The following SPEG variants were observed in gnomAD, a reference collection of about 807,000 sequenced individuals.
The protein encoded by SPEG is striated muscle enriched protein kinase, also known as striated muscle preferentially expressed protein kinase.
In SPEG, 114 loss-of-function variants were observed where a neutral mutation model predicts 300.4. The observed-to-expected ratio is 0.38, with a 90% CI of 0.33 to 0.44. The LOEUF (loss-of-function observed/expected upper bound fraction) is 0.44, where lower values mean the gene tolerates loss of function less well. Ranked by LOEUF, SPEG falls within the 20% of genes least tolerant of loss-of-function variation. The pLI, the probability that SPEG is intolerant of heterozygous loss-of-function variation, is 1.00. For missense variants in SPEG, 4,201 were observed against 4,586.2 expected, an observed-to-expected ratio of 0.92 and a Z score of 2.43; for synonymous variants, 1,964 against 2,018.9, an observed-to-expected ratio of 0.97 and a Z score of 0.73.
Position 219,469,233 on chromosome 2 carries a change from T to G in SPEG, c.3569T>G (p.Phe1190Cys). The G allele has an allele frequency of 1.2e-6, 2 of 1,613,810 alleles. No individual in the cohort carries two copies. Among genetic ancestry groups the G allele is most frequent in the Non-Finnish European group, 1.7e-6 (2 of 1,179,954 alleles). ...GELERLSIPD[F>C]LRPLQDLEVG... is the part of the protein sequence containing the mutation. ...CTGGAGCGGCTGTCCATTCCTGACT[T>G]CCTGCGGCCACTGCAGGACCTGGAG... The change falls in exon 13 of 41, where the codon TTC (phenylalanine) becomes TGC (cysteine). Residue 1190 changes from phenylalanine to cysteine, a missense_variant. By Grantham distance (205) the Phe-to-Cys change is radical (BLOSUM62 -2). Coordinates refer to ENST00000312358, the MANE Select transcript of SPEG (RefSeq NM_005876.5).
intron 31 of SPEG, among the ~76,000 whole-genome samples, chr2:219,486,129 A>G (rs1205201143): frequency 6.6e-6 from 1 of 152,244 alleles, no homozygotes; most frequent in African/African-American, 2.4e-5. Flanking sequence ...ACAGAAAAGC[A>G]GCCTTTGGAG....
Position 219,435,311 on chromosome 2 carries a change from A to G in SPEG, c.334A>G (p.Asn112Asp). ...CGGCGTGTACAGCTGCATGGCCCAG[A>G]ACGAGCGGGGCCGGGCCTCCTGCGA... The part of the protein sequence containing the change: ...DAGVYSCMAQ[N>D]ERGRASCEAV... The change falls in exon 1 of 41, where the codon AAC becomes GAC. Residue 112 changes from asparagine (N) to aspartate (D), a missense_variant. By Grantham distance (23) the Asn-to-Asp change is conservative. Coordinates refer to ENST00000312358, the MANE Select transcript of SPEG (RefSeq NM_005876.5). 1 of 1,534,512 alleles carries G rather than the reference A, an allele frequency of 6.5e-7. No homozygotes were observed. Among genetic ancestry groups the G allele is most frequent in the Non-Finnish European group, 8.7e-7 (1 of 1,147,722 alleles).
chr2:219,485,281 C>T, intron 30 of SPEG, 65 bp from the exon 31 acceptor site: 1 of 1,554,436 alleles, frequency 6.4e-7, no homozygotes. Flanking sequence ...GGGCTGAGGG[C>T]TGCAGAGAGG....
chr2:219,454,666 G>C (rs1356207451), intron 6 of SPEG, among the ~76,000 whole-genome samples: 6 of 152,354 alleles, frequency 3.9e-5, no homozygotes, highest in South Asian at 4.1e-4. Flanking sequence ...AAGTGAGGTA[G>C]AGCTAGCACC....
rs1575040512 is a variant in SPEG at position 219,443,744 on chromosome 2, G to A, written c.389-909G>A. 3 of 216,968 alleles carry A rather than the reference G, an allele frequency of 1.4e-5. No homozygotes were observed. The highest frequency in any genetic ancestry group is 2.6e-5 in the Non-Finnish European group (3 of 113,990). 13.4% of individuals were successfully genotyped at this position (216,968 alleles called of 1,614,324 possible). A position where few individuals can be genotyped will look rare whatever the true frequency, so the allele number is the denominator to read the frequency against. ...CTGCGGCTGGACTGGACACAAGCAG[G>A]TGTGTGTGTGTGTGTGTGCATGTGT... On this transcript the variant is annotated intron_variant, in intron 1 of 40. Coordinates refer to ENST00000312358, the MANE Select transcript of SPEG (RefSeq NM_005876.5). This position sits in a 1 kb window ranked among gnomAD's most constrained non-coding sequence, Gnocchi z 4.6.
chr2:219,480,656 C>T lies in SPEG; in HGVS notation c.5343-15C>T. 1.9e-6 allele frequency: 3 copies of T among 1,613,850 alleles called. No homozygotes were observed. Among genetic ancestry groups the T allele is most frequent in the South Asian group, 1.1e-5 (1 of 91,064 alleles). ...AGGGGCGGTCCTCTTACCTATCACT[C>T]TCCTTTTCCCACAGGCCTGTGGGTG... On this transcript the variant is annotated splice_polypyrimidine_tract_variant and intron_variant, in intron 25 of 40. Transcript: ENST00000312358. This position sits in a 1 kb window ranked among gnomAD's most constrained non-coding sequence, Gnocchi z 5.3.
chr2:219,460,178 TG>T, intron 6 of SPEG: 2 of 466,724 alleles, frequency 4.3e-6, no homozygotes, highest in Non-Finnish European at 5.6e-6. Flanking sequence ...TTAGGCCCTG[TG>T]GTGGCTGCTG....
rs374806310 is a variant in SPEG, at chr2:219,445,265, A to G, written c.815+104A>G. ...CTCCACCCATCACCCTGCCCCATCCATCTCTCTGTGCATTTCTTCACCCCC... is the reference window on the plus strand; with the variant it reads ...CTCCACCCATCACCCTGCCCCATCCGTCTCTCTGTGCATTTCTTCACCCCC... On this transcript the variant is annotated intron_variant, in intron 3 of 40. Coordinates refer to ENST00000312358, the MANE Select transcript of SPEG (RefSeq NM_005876.5). The surrounding 1 kb of genome is among the most constrained non-coding windows in gnomAD (Gnocchi z 6.1). 176 of 1,102,160 alleles carry G rather than the reference A, an allele frequency of 1.6e-4. 1 individual carries two copies. The East Asian group carries it at 2.9e-3, about 18-fold the overall frequency. 68.3% of individuals were successfully genotyped at this position (1,102,160 alleles called of 1,614,324 possible).
Position 219,464,055 on chromosome 2 carries a change from A to T in SPEG, c.2706-378A>T, listed in dbSNP as rs1691011629. 6.6e-6 allele frequency among the ~76,000 whole-genome samples: 1 copy of T among 151,516 alleles called. No individual in the cohort carries two copies. Among genetic ancestry groups the T allele is most frequent in the African/African-American group, 2.4e-5 (1 of 41,244 alleles). ...GGAGATCGCTTGAGCCTGGGGAGGTAGAAGCTGCAGTGAGCTGTGATTGTG... is the reference window on the plus strand; with the variant it reads ...GGAGATCGCTTGAGCCTGGGGAGGTTGAAGCTGCAGTGAGCTGTGATTGTG... On this transcript the variant is annotated intron_variant, in intron 8 of 40. Coordinates refer to ENST00000312358, the MANE Select transcript of SPEG (RefSeq NM_005876.5). The surrounding 1 kb of genome is among the most constrained non-coding windows in gnomAD (Gnocchi z 4.5).
chr2:219,474,539 G>A (rs1032546478), intron 18 of SPEG, among the ~76,000 whole-genome samples: 2 of 152,200 alleles, frequency 1.3e-5, no homozygotes, highest in African/African-American at 4.8e-5. Context: ...CCGAGGCTAA[G>A]AGTAACTGGC....
chr2:219,465,974 T>C (rs1691300421), intron 9 of SPEG: 5 of 1,198,310 alleles, frequency 4.2e-6, no homozygotes, highest in Non-Finnish European at 6.1e-6. Flanking sequence ...CATGCGTGTG[T>C]GTGCATGTGT....
Position 219,483,792 on chromosome 2 carries a change from G to C in SPEG, c.6329G>C (p.Ser2110Thr), listed in dbSNP as rs939136852. 1.4e-5 allele frequency: 22 copies of C among 1,564,892 alleles called. No homozygotes were observed. Among genetic ancestry groups the C allele is most frequent in the Non-Finnish European group, 1.9e-5 (22 of 1,162,696 alleles). ...RDPRMARAASSEAAPHHQPPL... is the reference protein window; with the variant it reads ...RDPRMARAASTEAAPHHQPPL... The stretch of plus-strand genomic sequence containing the variant: ...CCCCGGATGGCACGAGCTGCCTCCA[G>C]CGAGGCAGCGCCCCACCACCAGCCC... Residue 2110 changes from serine to threonine, a missense_variant, in exon 30 of 41, where the codon AGC becomes ACC. Ser to Thr is a moderately conservative substitution (Grantham distance 58). Transcript: ENST00000312358.
In SPEG at chr2:219,469,445, C is replaced by T. The variant is rs1405479475; in HGVS notation, c.3715+66C>T. 7.0e-6 allele frequency: 9 copies of T among 1,288,722 alleles called. No individual in the cohort carries two copies. The East Asian group carries it at 7.4e-5, about 11-fold the overall frequency. 79.8% of individuals were successfully genotyped at this position (1,288,722 alleles called of 1,614,324 possible). ...ACCCACTTGGCTTGCAATGCCCTGC[C>T]CCTCTCCCCAGCTCTCCCCAGGCCT... On this transcript the variant is annotated intron_variant, in intron 13 of 40. Coordinates refer to ENST00000312358, the MANE Select transcript of SPEG (RefSeq NM_005876.5).
chr2:219,491,571 C>T (rs547526088), intron 38 of SPEG, among the ~76,000 whole-genome samples: 4 of 152,276 alleles, frequency 2.6e-5, no homozygotes, highest in African/African-American at 4.8e-5. Context: ...CTGGGGACCC[C>T]GCCATTTTGT....
chr2:219,473,481 A>G lies in SPEG; in HGVS notation c.4148-23A>G, dbSNP rs755619334. 2.5e-6 allele frequency: 4 copies of G among 1,612,508 alleles called. No individual in the cohort carries two copies. Among genetic ancestry groups the G allele is most frequent in the Admixed American group, 3.3e-5 (2 of 60,002 alleles). On this transcript the variant is annotated intron_variant, in intron 16 of 40. Coordinates refer to ENST00000312358, the MANE Select transcript of SPEG (RefSeq NM_005876.5). This position sits in a 1 kb window ranked among gnomAD's most constrained non-coding sequence, Gnocchi z 4.6. ...GGACCTGATGTCAAGCCCAGCACAG[A>G]GCCTGCGCTCTCCTCCTCCCAGGCC...
chr2:219,482,743 G>A (rs1692969905), intron 28 of SPEG, 41 bp from the exon 29 acceptor site: 5 of 1,600,480 alleles, frequency 3.1e-6, no homozygotes, highest in African/African-American at 2.7e-5. Flanking sequence ...GAGGGTCTAG[G>A]TTGACAGCTT....
intron 9 of SPEG, chr2:219,465,728 T>C (rs1575110834): frequency 9.1e-6 from 4 of 438,766 alleles, no homozygotes; most frequent in Admixed American, 4.2e-5. Context: ...GAGCCAAGAG[T>C]GGCAGTGCTG....
At chr2:219,469,704 C>T (rs558188162) in intron 13 of SPEG, among the ~76,000 whole-genome samples, 25 of 152,268 alleles carry the variant, frequency 1.6e-4, no homozygotes, top group African/African-American at 4.6e-4. Flanking sequence ...TGGGTTGTTA[C>T]GAGACTAAAT....
chr2:219,490,933 G>T lies in SPEG; in HGVS notation c.9362G>T (p.Arg3121Leu). The change falls in exon 38 of 41, where the codon CGC (arginine) becomes CTC (leucine). Residue 3121 changes from arginine to leucine, a missense_variant. By Grantham distance (102) the Arg-to-Leu change is moderately radical (BLOSUM62 -2). Coordinates refer to ENST00000312358, the MANE Select transcript of SPEG (RefSeq NM_005876.5). ...NPQALRPLGH[R>L]TGTLEFMAPE... ...CAGGCCCTTAGGCCCCTTGGCCACC[G>T]CACGGGCACGCTGGAGTTCATGGGT... 1 of 1,612,998 alleles carries T rather than the reference G, an allele frequency of 6.2e-7. No homozygotes were observed. Among genetic ancestry groups the T allele is most frequent in the Non-Finnish European group, 8.5e-7 (1 of 1,179,758 alleles).
Sources: allele counts gnomAD v4.1 joint callset (sites outside exome capture counted in the v4.1 genomes callset), GRCh38; gene constraint gnomAD v4.1.1; non-coding constraint Gnocchi (gnomAD v3.1); transcripts MANE v1.5; gene names NCBI Gene and HGNC (gene_info 2026-07-23, HGNC 2026-07-21).